Variants in ACSF2 observed in about 807,000 individuals in gnomAD.
The protein encoded by ACSF2 is acyl-CoA synthetase family member 2.
Under a neutral mutation model 79.3 loss-of-function variants are expected in ACSF2, and 52 were observed. The ratio of observed to expected loss-of-function variants is 0.66; its 90% CI spans 0.53 to 0.83. The LOEUF is 0.83. ACSF2 is among the 40% of genes least tolerant of loss of function. ACSF2 has a pLI of 0.00. For synonymous variants in ACSF2, 283 were observed against 312.6 expected (o/e 0.91, Z 1.00); for missense variants, 661 against 803.3 (o/e 0.82, Z 2.14).
At chr17:50,462,372 C>T in intron 5 of ACSF2, 48 bp from the exon 6 acceptor site, 1 of 1,605,604 alleles carries the variant, frequency 6.2e-7, no homozygotes, top group Non-Finnish European at 8.5e-7. Flanking sequence ...CCTACCCACC[C>T]TGCCCCCTCC....
intron 1 of ACSF2, chr17:50,460,448 T>A (rs1350257763): frequency 5.3e-6 from 3 of 571,246 alleles, no homozygotes; most frequent in Non-Finnish European, 9.4e-6. Context: ...AGGAGGGCCC[T>A]TTGCTCCAGC....
At chr17:50,430,645 A>G (rs530835442) in intron 1 of ACSF2, among the ~76,000 whole-genome samples, 8 of 152,346 alleles carry the variant, frequency 5.3e-5, no homozygotes, top group East Asian at 3.9e-4. Flanking sequence ...AACCTGGGCG[A>G]CAGAGCGAGA....
chr17:50,460,614 C>T (rs988877903), intron 1 of ACSF2, 63 bp from the exon 2 acceptor site: 53 of 1,498,716 alleles, frequency 3.5e-5, no homozygotes, highest in South Asian at 2.5e-5. Context: ...CTGGGTGTGC[C>T]ATGCCCTTGG....
At chr17:50,470,259 C>T (rs1296289432) in intron 10 of ACSF2, 2 of 152,226 alleles carry the variant, frequency 1.3e-5, no homozygotes, top group Non-Finnish European at 2.9e-5. Flanking sequence ...GCCCTTTTCC[C>T]AAACCTCTCT....
intron 10 of ACSF2, chr17:50,465,261 G>A: frequency 1.9e-6 from 3 of 1,612,942 alleles, no homozygotes; most frequent in Non-Finnish European, 2.5e-6. Context: ...TCACCAAAGA[G>A]GGACATAGGG....
intron 9 of ACSF2, 150 bp downstream of exon 9, chr17:50,464,059 G>T: frequency 2.7e-6 from 3 of 1,101,694 alleles, no homozygotes; most frequent in Non-Finnish European, 4.1e-6. Flanking sequence ...GAGATCCCCA[G>T]TGTCCCTGGA....
intron 1 of ACSF2, chr17:50,427,080 T>C: frequency 7.9e-7 from 1 of 1,264,872 alleles, no homozygotes; most frequent in Non-Finnish European, 1.1e-6. Flanking sequence ...CTGCCACTCA[T>C]GTTATCAGGG....
chr17:50,449,934 C>A (rs1363121601), intron 1 of ACSF2, among the ~76,000 whole-genome samples: 2 of 152,100 alleles, frequency 1.3e-5, no homozygotes, highest in Non-Finnish European at 2.9e-5. Flanking sequence ...CCTCCTCAGC[C>A]CCCTCTACTG....
chr17:50,454,804 G>A (rs1044300063), intron 1 of ACSF2, among the ~76,000 whole-genome samples: 2 of 152,136 alleles, frequency 1.3e-5, no homozygotes, highest in African/African-American at 2.4e-5. Flanking sequence ...TGTCAGAGCC[G>A]CTGTGAAGAC....
chr17:50,461,670 A>G lies in ACSF2; in HGVS notation c.491A>G (p.Glu164Gly). 6.2e-7 allele frequency: 1 copy of G among 1,614,118 alleles called. No individual in the cohort carries two copies. Among genetic ancestry groups the G allele is most frequent in the African/African-American group, 1.3e-5 (1 of 75,028 alleles). The change falls in exon 4 of 16, where the codon GAG becomes GGG. Residue 164 changes from glutamate to glycine, a missense_variant. Transcript: ENST00000300441. ...VNPAYQAMEL[E>G]YVLKKVGCKA... ...CCAGCCTACCAGGCTATGGAACTGG[A>G]GTATGTCCTCAAGAAGGTACAGCTC...
chr17:50,468,538 G>T, intron 10 of ACSF2: 1 of 1,614,254 alleles, frequency 6.2e-7, no homozygotes, highest in Non-Finnish European at 8.5e-7. Context: ...GGAAGGCACC[G>T]GCGGCCACCT....
chr17:50,426,804 G>A (rs1336061797), intron 1 of ACSF2: 2 of 1,257,022 alleles, frequency 1.6e-6, no homozygotes, highest in Non-Finnish European at 2.2e-6. Flanking sequence ...CCCGACCCAG[G>A]CCACTAAACT....
intron 10 of ACSF2, chr17:50,468,380 G>C (rs778831115): frequency 5.0e-6 from 8 of 1,614,028 alleles, no homozygotes; most frequent in Non-Finnish European, 5.9e-6. Flanking sequence ...GTTGACCAGC[G>C]GGGAGAGCAA....
At chr17:50,438,668 G>T (rs2030627885) in intron 1 of ACSF2, among the ~76,000 whole-genome samples, 2 of 152,078 alleles carry the variant, frequency 1.3e-5, no homozygotes, top group South Asian at 4.1e-4. Flanking sequence ...CCAGGTTCAA[G>T]AGATGCTCCT....
chr17:50,446,459 T>C (rs907342326), intron 1 of ACSF2, among the ~76,000 whole-genome samples: 1 of 152,196 alleles, frequency 6.6e-6, no homozygotes, highest in African/African-American at 2.4e-5. Flanking sequence ...GGTTTCACCA[T>C]GTTGGTCAGG....
chr17:50,444,472 T>C (rs1221796028), intron 1 of ACSF2, among the ~76,000 whole-genome samples: 3 of 152,108 alleles, frequency 2.0e-5, no homozygotes, highest in Admixed American at 6.5e-5. Context: ...GGAGAATCAT[T>C]TGAACCAGGG....
In ACSF2 at chr17:50,468,504, A is replaced by C. The variant is rs1416597882; in HGVS notation, c.1216-2524A>C. 1.3e-5 allele frequency: 21 copies of C among 1,614,138 alleles called. No individual in the cohort carries two copies. The East Asian group carries it at 4.5e-4, about 34-fold the overall frequency. On this transcript the variant is annotated intron_variant, in intron 10 of 15. Transcript: ENST00000300441. ...CGGATGTCGTTATGGGACAGGTACA[A>C]GTAGATAAGTTGCTTGAGGCCGCGG...
intron 10 of ACSF2, among the ~76,000 whole-genome samples, chr17:50,469,233 T>A: frequency 6.6e-6 from 1 of 152,332 alleles, no homozygotes; most frequent in Middle Eastern, 3.4e-3. Context: ...CCTCAACTTA[T>A]TTGTTTGCTC....
chr17:50,462,789 C>T, intron 6 of ACSF2: 1 of 641,790 alleles, frequency 1.6e-6, no homozygotes, highest in Non-Finnish European at 2.6e-6. Flanking sequence ...CCTCTCCACT[C>T]CAGCCCTCTT....
Sources: gnomAD v4.1 joint callset for allele counts (sites outside exome capture counted in the v4.1 genomes callset) on GRCh38, gnomAD v4.1.1 for gene constraint, MANE v1.5 for transcripts, NCBI Gene and HGNC (gene_info 2026-07-23, HGNC 2026-07-21) for gene names.